Variants in DLL1 observed in about 807,000 individuals in gnomAD.
The protein encoded by DLL1 is delta like canonical Notch ligand 1, also known as delta-like protein 1.
Under a neutral mutation model 75.1 loss-of-function variants are expected in DLL1, and 9 were observed. The observed-to-expected ratio is 0.12, with a 90% CI of 0.07 to 0.21. DLL1 has a LOEUF of 0.21. DLL1 is among the 10% of genes least tolerant of loss of function. The pLI is 1.00. For synonymous variants in DLL1, 477 were observed against 418.3 expected (o/e 1.14, Z -1.71); for missense variants, 837 against 1,007.6 (o/e 0.83, Z 2.29).
rs1449038489 is a variant in DLL1 at position 170,283,698 on chromosome 6, T to C, written c.1581A>G (p.Pro527=). The part of the protein sequence containing the change: ...QFLLPELPPG[P]AVVDLTEKLE... ...GCTTCTCAGTGAGGTCCACCACCGCTGGGCCCGGGGGCAGCTCGGGGAGCA... is the reference window on the plus strand; with the variant it reads ...GCTTCTCAGTGAGGTCCACCACCGCCGGGCCCGGGGGCAGCTCGGGGAGCA... The change falls in exon 9 of 11, where the codon CCA becomes CCG. Residue 527 remains proline, a synonymous_variant. Transcript: ENST00000366756. The C allele has an allele frequency of 1.3e-6, 2 of 1,558,520 alleles. No individual in the cohort carries two copies. Among genetic ancestry groups the C allele is most frequent in the East Asian group, 2.4e-5 (1 of 42,516 alleles).
rs939320855 is a variant in DLL1, at chr6:170,288,794, G to A, written c.352-5C>T. 1 of 1,614,076 alleles carries A rather than the reference G, an allele frequency of 6.2e-7. No individual in the cohort carries two copies. Among genetic ancestry groups the A allele is most frequent in the Non-Finnish European group, 8.5e-7 (1 of 1,179,950 alleles). ...AATAATCAGAGAGAAGGTGCCCTGG[G>A]AGAGAGGGGAGAAGACGTTAGACAA... On this transcript the variant is annotated splice_polypyrimidine_tract_variant and splice_region_variant and intron_variant, in intron 2 of 10. Coordinates refer to ENST00000366756, the MANE Select transcript of DLL1 (RefSeq NM_005618.4).
At chr6:170,289,415 G>A in intron 2 of DLL1, 97 bp downstream of exon 2, 2 of 1,499,424 alleles carry the variant, frequency 1.3e-6, no homozygotes, top group Non-Finnish European at 1.8e-6. Flanking sequence ...CGGGGTCCCC[G>A]AGGTCCCGCC....
In DLL1 at chr6:170,286,441, C is replaced by A; in HGVS notation, c.671-143G>T. 2.0e-6 allele frequency: 2 copies of A among 1,006,130 alleles called. 1 individual carries two copies. The highest frequency in any genetic ancestry group is 3.1e-6 in the Non-Finnish European group (2 of 639,550). 62.3% of individuals were successfully genotyped at this position (1,006,130 alleles called of 1,614,324 possible). On this transcript the variant is annotated intron_variant, in intron 4 of 10. Coordinates refer to ENST00000366756, the MANE Select transcript of DLL1 (RefSeq NM_005618.4). ...ATCTTCCCAGGTTGTGGAGGACTGA[C>A]CCCCCTGCCTAGTAGCCTGGGACTT...
intron 10 of DLL1, 29 bp from the exon 11 acceptor site, chr6:170,282,908 T>TA (rs1421089092): frequency 3.1e-6 from 5 of 1,614,202 alleles, no homozygotes; most frequent in Non-Finnish European, 4.2e-6. Context: ...AATGGGAAGT[T>TA]AGCCTGAGAC....
At chr6:170,287,314 C>T (rs1583155268) in intron 4 of DLL1, among the ~76,000 whole-genome samples, 1 of 152,294 alleles carries the variant, frequency 6.6e-6, no homozygotes, top group South Asian at 2.1e-4. Flanking sequence ...GAGCCCCTCT[C>T]CAAGGTTGTC....
At chr6:170,289,909 G>GC (rs1783813247) in intron 1 of DLL1, 101 bp from the exon 2 acceptor site, 1 of 1,360,900 alleles carries the variant, frequency 7.3e-7, no homozygotes, top group African/African-American at 1.5e-5. Flanking sequence ...AAGGGCTCAG[G>GC]GGCCGAGCGC....
chr6:170,286,391 C>A, intron 4 of DLL1, 93 bp from the exon 5 acceptor site: 1 of 1,489,748 alleles, frequency 6.7e-7, no homozygotes, highest in Non-Finnish European at 9.4e-7. Context: ...TCGCCGGCTT[C>A]AGTCAGCAAA....
At position 170,290,902 on chromosome 6, in the gene DLL1, G is replaced by T. The variant is rs1445790686; in HGVS notation, c.-763C>A. ...TGCGCTCTGCCCTCGGCCGGGTCGG[G>T]TCTCCGCGGGTGCGCGCAGAGGATC... On this transcript the variant is annotated 5_prime_UTR_variant, in exon 1 of 11. Transcript: ENST00000366756. The surrounding 1 kb of genome is among the most constrained non-coding windows in gnomAD (Gnocchi z 4.7). 5 of 694,240 alleles carry T rather than the reference G, an allele frequency of 7.2e-6. No individual in the cohort carries two copies. The Admixed American group carries it at 1.0e-4, about 14-fold the overall frequency. 43.0% of individuals were successfully genotyped at this position (694,240 alleles called of 1,614,324 possible).
chr6:170,288,784 G>A lies in DLL1; in HGVS notation c.357C>T (p.Thr119=), dbSNP rs781230294. The change falls in exon 3 of 11, where the codon ACC becomes ACT. Residue 119 remains threonine, a synonymous_variant. Transcript: ENST00000366756. ...GGAGAGCTTCAATAATCAGAGAGAA[G>A]GTGCCCTGGGAGAGAGGGGAGAAGA... is the stretch of plus-strand genomic sequence containing the variant. The part of the protein sequence containing the change: ...RFPFGFTWPG[T]FSLIIEALHT... The A allele has an allele frequency of 7.4e-6, 12 of 1,613,976 alleles. No homozygotes were observed. The highest frequency in any genetic ancestry group is 4.0e-5 in the African/African-American group (3 of 74,906).
At chr6:170,288,534 G>A in intron 3 of DLL1, 38 bp from the exon 4 acceptor site, 1 of 1,614,082 alleles carries the variant, frequency 6.2e-7, no homozygotes, top group Non-Finnish European at 8.5e-7. Context: ...TTCTGAACGA[G>A]AACCCTGTGA....
chr6:170,289,861 G>A, intron 1 of DLL1, 53 bp from the exon 2 acceptor site: 4 of 1,528,662 alleles, frequency 2.6e-6, no homozygotes, highest in Non-Finnish European at 2.6e-6. Context: ...CGAGCTAGGG[G>A]GCGTGAGGCC....
rs189402834 is a variant in DLL1, at chr6:170,285,051, C to T, written c.1117G>A (p.Gly373Ser). The T allele has an allele frequency of 2.4e-5, 38 of 1,614,042 alleles. No homozygotes were observed. The highest frequency in any genetic ancestry group is 6.7e-5 in the Admixed American group (4 of 60,012). ...CELSAMTCAD[G>S]PCFNGGRCSD... ...CACCGACCCCCGTTAAAGCAAGGGC[C>T]GTCCGCACAGGTCATGGCACTCAAT... Residue 373 changes from glycine to serine, a missense_variant, in exon 8 of 11, where the codon GGC (glycine) becomes AGC (serine). Physicochemically the swap from Gly to Ser is moderately conservative, Grantham distance 56. This residue lies in a region of DLL1 where 533 missense variants were observed against 545.7 expected (regional missense o/e 0.98). Transcript: ENST00000366756.
rs776288082 is a variant in DLL1, at chr6:170,283,245, C to T, written c.2034G>A (p.Pro678=). The T allele has an allele frequency of 1.1e-5, 18 of 1,612,482 alleles. No homozygotes were observed. The highest frequency in any genetic ancestry group is 4.0e-5 in the African/African-American group (3 of 74,914). ...GCAGCACGCACCCCCTGAGTGTGGT[C>T]GGGGTCCCCTTCTCCTCCCCTGAGG... ...QGSSGEEKGT[P]TTLRGGEASE... The change falls in exon 9 of 11, where the codon CCG becomes CCA. Residue 678 remains proline (P), a synonymous_variant. Transcript: ENST00000366756.
rs755646568 is a variant in DLL1, at chr6:170,283,422, C to T, written c.1857G>A (p.Ala619=). The T allele has an allele frequency of 1.5e-5, 24 of 1,611,186 alleles. No individual in the cohort carries two copies. Among genetic ancestry groups the T allele is most frequent in the South Asian group, 1.2e-4 (11 of 91,084 alleles). The part of the protein sequence containing the change: ...ATQIKNTNKK[A]DFHGDHSADK... ...CGGCGCTGTGGTCCCCGTGGAAGTCCGCCTTCTTGTTGGTGTTCTTGATCT... is the reference window on the plus strand; with the variant it reads ...CGGCGCTGTGGTCCCCGTGGAAGTCTGCCTTCTTGTTGGTGTTCTTGATCT... The change falls in exon 9 of 11, where the codon GCG becomes GCA. Residue 619 remains alanine, a synonymous_variant. Transcript: ENST00000366756.
rs950137681 is a variant in DLL1, at chr6:170,289,911, G to A, written c.55-103C>T. 44 of 1,355,248 alleles carry A rather than the reference G, an allele frequency of 3.2e-5. No homozygotes were observed. In the African/African-American group the frequency reaches 6.2e-4, roughly 19 times the overall value. The allele number at this position is 1,355,248 out of a possible 1,614,324, so 84.0% of individuals were successfully genotyped here. ...GCGGAGAGCCTGGAAGGGCTCAGGG[G>A]CCGAGCGCGCTCGCTGCACGGCCGG... On this transcript the variant is annotated intron_variant, in intron 1 of 10. Coordinates refer to ENST00000366756, the MANE Select transcript of DLL1 (RefSeq NM_005618.4).
intron 8 of DLL1, 140 bp downstream of exon 8, chr6:170,284,777 TAG>T (rs1408577146): frequency 4.5e-6 from 4 of 890,772 alleles, no homozygotes; most frequent in Admixed American, 1.9e-5. Flanking sequence ...GACTCAAAGA[TAG>T]AGTTTCCATC....
chr6:170,287,140 C>T (rs1342464518), intron 4 of DLL1, among the ~76,000 whole-genome samples: 1 of 152,008 alleles, frequency 6.6e-6, no homozygotes, highest in African/African-American at 2.4e-5. Context: ...TTGTTTTTCC[C>T]CAGAACCAGT....
chr6:170,283,186 C>A (rs1420752653), intron 9 of DLL1, 45 bp downstream of exon 9: 3 of 1,613,210 alleles, frequency 1.9e-6, no homozygotes, highest in African/African-American at 2.7e-5. Flanking sequence ...TCCAGGAAGA[C>A]ACCCCCCAGG....
chr6:170,290,373 G>C lies in DLL1; in HGVS notation c.-234C>G, dbSNP rs6929499. 1,419 of 428,152 alleles carry C rather than the reference G, an allele frequency of 3.3e-3. 17 individuals carry two copies. The highest frequency in any genetic ancestry group is 0.027 in the African/African-American group (1,300 of 48,508). The allele number at this position is 428,152 out of a possible 1,614,324, so 26.5% of individuals were successfully genotyped here. Reference sequence around the variant, plus strand: ...TCCCGCGGCAGCCCCAGGGATGCCCGAGGAAAGGCAGCTCTCGGGGGACAG... The same window carrying C: ...TCCCGCGGCAGCCCCAGGGATGCCCCAGGAAAGGCAGCTCTCGGGGGACAG... On this transcript the variant is annotated 5_prime_UTR_variant, in exon 1 of 11. Transcript: ENST00000366756. The surrounding 1 kb of genome is among the most constrained non-coding windows in gnomAD (Gnocchi z 4.7).
Sources: gnomAD v4.1 joint callset for allele counts (sites outside exome capture counted in the v4.1 genomes callset) on GRCh38, gnomAD v4.1.1 for gene constraint, gnomAD v4.1.1 regional missense constraint, Gnocchi (gnomAD v3.1) non-coding constraint, MANE v1.5 for transcripts, NCBI Gene and HGNC (gene_info 2026-07-23, HGNC 2026-07-21) for gene names.